The following WDPCP variants were observed in gnomAD, a reference collection of about 807,000 sequenced individuals.
WDPCP encodes the protein WD repeat-containing and planar cell polarity effector protein fritz homolog.
In WDPCP, 71 loss-of-function variants were observed where a neutral mutation model predicts 93.1. The observed-to-expected ratio is 0.76, with a 90% CI of 0.63 to 0.93. The LOEUF (loss-of-function observed/expected upper bound fraction) is 0.93, where lower values mean the gene tolerates loss of function less well. Among genes scored for constraint, WDPCP ranks in the 40% least tolerant of loss-of-function variants. WDPCP has a pLI of 0.00. For missense variants in WDPCP, 844 were observed against 887.4 expected, an observed-to-expected ratio of 0.95 and a Z score of 0.62; for synonymous variants, 315 against 315.0, an observed-to-expected ratio of 1.00 and a Z score of 0.00.
At chr2:63,260,994 T>G (rs1681579845) in intron 13 of WDPCP, among the ~76,000 whole-genome samples, 1 of 152,232 alleles carries the variant, frequency 6.6e-6, no homozygotes, top group African/African-American at 2.4e-5. Context: ...TATTGAATGC[T>G]GAGTGGCTTT....
At chr2:63,249,054 C>T (rs568174781) in intron 14 of WDPCP, among the ~76,000 whole-genome samples, 1 of 152,064 alleles carries the variant, frequency 6.6e-6, no homozygotes, top group African/African-American at 2.4e-5. Context: ...ATTAATTTTG[C>T]TCCTTTGAAT....
In WDPCP at chr2:63,528,140, G is replaced by C. The variant is rs546024206; in HGVS notation, c.76-35200C>G. 6.6e-5 allele frequency among the ~76,000 whole-genome samples: 10 copies of C among 152,028 alleles called. No homozygotes were observed. The East Asian group carries it at 7.7e-4, about 12-fold the overall frequency. On this transcript the variant is annotated intron_variant, in intron 1 of 17. Coordinates refer to ENST00000272321, the MANE Select transcript of WDPCP (RefSeq NM_015910.7). ...AGCCCTTTGTCAGATGAGTAGATTG[G>C]AAAAATTTTCTCCCATTCTGTAGGT...
chr2:63,155,963 TTACTA>T (rs1171314509), intron 15 of WDPCP, among the ~76,000 whole-genome samples: 2 of 152,158 alleles, frequency 1.3e-5, no homozygotes, highest in Admixed American at 1.3e-4. Flanking sequence ...GCTGACATCT[TTACTA>T]TATTGAGTCC....
chr2:63,720,795 G>C lies in WDPCP; in HGVS notation n.309-69957C>G, dbSNP rs567405433. Among the ~76,000 whole-genome samples, 8 of 152,312 alleles carry C rather than the reference G, an allele frequency of 5.3e-5. No homozygotes were observed. The South Asian group carries it at 1.2e-3, about 24-fold the overall frequency. ...ATGGCAGTTAAACAGAAACAATACA[G>C]AGGAAAAATAAAATCATCAGAACAA... On this transcript the variant is annotated intron_variant and non_coding_transcript_variant, in intron 2 of 4. Transcript: ENST00000467687.
chr2:63,501,618 G>C (rs542056188), intron 1 of WDPCP, among the ~76,000 whole-genome samples: 78 of 152,236 alleles, frequency 5.1e-4, no homozygotes, highest in African/African-American at 1.6e-3. Flanking sequence ...TCCTTTGTTT[G>C]TTTCTTTCTT....
chr2:63,715,741 T>A (rs1231679914), intron 2 of WDPCP, among the ~76,000 whole-genome samples: 1 of 152,218 alleles, frequency 6.6e-6, no homozygotes, highest in African/African-American at 2.4e-5. Flanking sequence ...TGCATTTAAA[T>A]TTTTAATACA....
At chr2:63,568,624 C>T (rs1277829234) in intron 1 of WDPCP, among the ~76,000 whole-genome samples, 2 of 152,246 alleles carry the variant, frequency 1.3e-5, no homozygotes, top group African/African-American at 2.4e-5. Context: ...GTCCACCCTA[C>T]TGCTGTGTCC....
intron 2 of WDPCP, among the ~76,000 whole-genome samples, chr2:63,785,693 A>G (rs890916603): frequency 2.6e-5 from 4 of 152,160 alleles, no homozygotes; most frequent in African/African-American, 9.7e-5. Flanking sequence ...ACTTAACTGA[A>G]GCAAAACAAC....
intron 14 of WDPCP, among the ~76,000 whole-genome samples, chr2:63,180,303 T>C (rs187777663): frequency 6.6e-6 from 1 of 152,276 alleles, no homozygotes. Context: ...ACCTGAATAA[T>C]ATACATAGTA....
intron 6 of WDPCP, chr2:63,443,036 CT>C (rs1437823460): frequency 6.6e-6 from 1 of 152,042 alleles, no homozygotes; most frequent in African/African-American, 2.4e-5. Context: ...ACTATGGATC[CT>C]GCCAAGTGAG....
At chr2:63,807,688 T>C (rs1357258478) in intron 2 of WDPCP, among the ~76,000 whole-genome samples, 2 of 152,222 alleles carry the variant, frequency 1.3e-5, no homozygotes, top group African/African-American at 4.8e-5. Context: ...TCACTATAAG[T>C]ATGTTTTCCT....
intron 14 of WDPCP, among the ~76,000 whole-genome samples, chr2:63,204,850 A>G (rs1269601199): frequency 6.6e-6 from 1 of 151,916 alleles, no homozygotes; most frequent in Admixed American, 6.6e-5. Flanking sequence ...AAGCTTTTAA[A>G]CTTGATATGA....
At chr2:63,318,182 C>T (rs999118498) in intron 12 of WDPCP, among the ~76,000 whole-genome samples, 4 of 152,234 alleles carry the variant, frequency 2.6e-5, no homozygotes, top group East Asian at 1.9e-4. Flanking sequence ...CATCACTAAT[C>T]GTTAGAGAAA....
chr2:63,289,890 T>C (rs1340798021), intron 13 of WDPCP, among the ~76,000 whole-genome samples: 1 of 152,014 alleles, frequency 6.6e-6, no homozygotes, highest in African/African-American at 2.4e-5. Flanking sequence ...TGAAGTCACT[T>C]TGTCTTATAT....
At chr2:63,164,507 A>G (rs1377258931) in intron 15 of WDPCP, among the ~76,000 whole-genome samples, 1 of 151,998 alleles carries the variant, frequency 6.6e-6, no homozygotes, top group Non-Finnish European at 1.5e-5. Context: ...TGCTCTGACC[A>G]TGTGAAGTGC....
At chr2:63,271,925 G>C (rs985161889) in intron 13 of WDPCP, among the ~76,000 whole-genome samples, 2 of 152,054 alleles carry the variant, frequency 1.3e-5, no homozygotes, top group African/African-American at 4.8e-5. Flanking sequence ...CCTCTAGGTT[G>C]TCCCAACACT....
chr2:63,175,132 C>T, intron 14 of WDPCP, among the ~76,000 whole-genome samples: 1 of 151,782 alleles, frequency 6.6e-6, no homozygotes, highest in Non-Finnish European at 1.5e-5. Flanking sequence ...TTTTGTTAGC[C>T]AATTACTGGA....
intron 14 of WDPCP, among the ~76,000 whole-genome samples, chr2:63,246,544 G>A (rs1482495290): frequency 1.3e-5 from 2 of 152,206 alleles, no homozygotes; most frequent in African/African-American, 4.8e-5. Flanking sequence ...CCTATCAGCA[G>A]TGAGCAGAAG....
chr2:63,311,903 G>T (rs886605904), intron 13 of WDPCP, among the ~76,000 whole-genome samples: 2 of 151,970 alleles, frequency 1.3e-5, no homozygotes, highest in Non-Finnish European at 2.9e-5. Context: ...CTAGAAAAAA[G>T]ACTGAAACTA....
Sources: gnomAD v4.1 joint callset for allele counts (sites outside exome capture counted in the v4.1 genomes callset) on GRCh38, gnomAD v4.1.1 for gene constraint, MANE v1.5 for transcripts, NCBI Gene and HGNC (gene_info 2026-07-23, HGNC 2026-07-21) for gene names.